Variants in CSMD1 observed in about 807,000 individuals in gnomAD.
CSMD1 encodes the protein CUB and sushi domain-containing protein 1.
Under a neutral mutation model 417.5 loss-of-function variants are expected in CSMD1, and 213 were observed. The observed-to-expected ratio is 0.51, with a 90% CI of 0.46 to 0.57. The LOEUF (loss-of-function observed/expected upper bound fraction) is 0.57, where lower values mean the gene tolerates loss of function less well. Ranked by LOEUF, CSMD1 falls within the 20% of genes least tolerant of loss-of-function variation. The pLI is 0.00. For missense variants in CSMD1, 6,923 were observed against 4,529.7 expected (o/e 1.53, Z -15.17); for synonymous variants, 2,862 against 1,736.8 (o/e 1.65, Z -16.11).
intron 2 of CSMD1, among the ~76,000 whole-genome samples, chr8:4,577,445 G>A (rs528419389): frequency 5.9e-4 from 90 of 152,276 alleles, no homozygotes; most frequent in Non-Finnish European, 9.4e-4. Flanking sequence ...GAACCCAACA[G>A]GCTCCCAGCT....
At chr8:4,104,636 G>C (rs1486247302) in intron 3 of CSMD1, among the ~76,000 whole-genome samples, 1 of 151,840 alleles carries the variant, frequency 6.6e-6, no homozygotes, top group Non-Finnish European at 1.5e-5. Context: ...AGGCTAGTTT[G>C]TCATACATGG....
intron 3 of CSMD1, among the ~76,000 whole-genome samples, chr8:4,202,170 T>C (rs1336067550): frequency 1.3e-5 from 2 of 152,166 alleles, no homozygotes; most frequent in Non-Finnish European, 2.9e-5. Context: ...GATGACCAGC[T>C]GTGTTAGTAT....
At chr8:4,067,631 T>G (rs1309062208) in intron 3 of CSMD1, among the ~76,000 whole-genome samples, 1 of 152,204 alleles carries the variant, frequency 6.6e-6, no homozygotes, top group Non-Finnish European at 1.5e-5. Flanking sequence ...TGACCCTACA[T>G]AAACTGATTT....
chr8:4,146,310 G>C (rs1363642908), intron 3 of CSMD1, among the ~76,000 whole-genome samples: 1 of 150,884 alleles, frequency 6.6e-6, no homozygotes, highest in Non-Finnish European at 1.5e-5. Flanking sequence ...GCCTCTGCTT[G>C]GTGTCTGACA....
chr8:4,503,969 C>CAAAAAAAAAAAA (rs200846437), intron 2 of CSMD1, among the ~76,000 whole-genome samples: 1 of 85,792 alleles, frequency 1.2e-5, no homozygotes, highest in Non-Finnish European at 2.4e-5. Context: ...CTTGCATATT[C>CAAAAAAAAAAAA]AAAAAAAAAA....
intron 3 of CSMD1, among the ~76,000 whole-genome samples, chr8:4,280,989 T>C (rs1177745328): frequency 6.6e-6 from 1 of 152,182 alleles, no homozygotes; most frequent in Non-Finnish European, 1.5e-5. Context: ...AATAAAGTAG[T>C]GGTTTTTAAA....
At chr8:3,825,943 T>C (rs960978028) in intron 5 of CSMD1, among the ~76,000 whole-genome samples, 1 of 152,222 alleles carries the variant, frequency 6.6e-6, no homozygotes, top group Admixed American at 6.5e-5. Context: ...AAATTCCAAC[T>C]TAAGATTAAA....
At chr8:4,955,881 G>C (rs1284076606) in intron 1 of CSMD1, among the ~76,000 whole-genome samples, 1 of 149,310 alleles carries the variant, frequency 6.7e-6, no homozygotes, top group African/African-American at 2.4e-5. Context: ...CTAGAAAGTA[G>C]TTGTTAAACT....
chr8:4,346,606 G>A (rs1357865635), intron 3 of CSMD1, among the ~76,000 whole-genome samples: 1 of 152,086 alleles, frequency 6.6e-6, no homozygotes, highest in African/African-American at 2.4e-5. Context: ...TCAATCTTCA[G>A]CAGGAATCAA....
intron 5 of CSMD1, among the ~76,000 whole-genome samples, chr8:3,871,149 C>T (rs528706779): frequency 1.3e-5 from 2 of 152,182 alleles, no homozygotes; most frequent in African/African-American, 4.8e-5. Context: ...TAATACCTCA[C>T]TCATCATACT....
At chr8:3,314,142 G>T (rs1194622385) in intron 23 of CSMD1, among the ~76,000 whole-genome samples, 3 of 151,852 alleles carry the variant, frequency 2.0e-5, no homozygotes, top group African/African-American at 7.2e-5. Context: ...AGTGGGGAGG[G>T]ATAGCATTAG....
intron 3 of CSMD1, among the ~76,000 whole-genome samples, chr8:4,232,840 T>C (rs1361497575): frequency 1.3e-5 from 2 of 152,130 alleles, no homozygotes; most frequent in African/African-American, 4.8e-5. Flanking sequence ...ACTTTATTTA[T>C]TTATTTATAT....
intron 1 of CSMD1, among the ~76,000 whole-genome samples, chr8:4,860,074 G>C (rs1585224808): frequency 6.6e-6 from 1 of 151,930 alleles, no homozygotes; most frequent in Non-Finnish European, 1.5e-5. Flanking sequence ...GGAATACTAT[G>C]CAGCCATAAA....
chr8:3,843,138 T>C (rs1352604108), intron 5 of CSMD1, among the ~76,000 whole-genome samples: 1 of 152,190 alleles, frequency 6.6e-6, no homozygotes, highest in Non-Finnish European at 1.5e-5. Flanking sequence ...CCATAGCACA[T>C]CTAATGGAAT....
At chr8:3,211,683 G>A (rs1797617126) in intron 30 of CSMD1, among the ~76,000 whole-genome samples, 1 of 152,178 alleles carries the variant, frequency 6.6e-6, no homozygotes, top group African/African-American at 2.4e-5. Context: ...GAGGTGAGGC[G>A]AGATCTGGTC....
intron 3 of CSMD1, among the ~76,000 whole-genome samples, chr8:4,293,239 G>A (rs754601624): frequency 3.3e-5 from 5 of 152,136 alleles, no homozygotes; most frequent in Non-Finnish European, 7.4e-5. Context: ...CAGACTCCAA[G>A]GGCACAGAGT....
chr8:3,202,035 G>A (rs1467369932), intron 31 of CSMD1, among the ~76,000 whole-genome samples: 2 of 152,136 alleles, frequency 1.3e-5, no homozygotes, highest in South Asian at 2.1e-4. Context: ...GGATGTGGTG[G>A]CTCACGCCTG....
At chr8:3,931,315 A>T (rs914705892) in intron 5 of CSMD1, among the ~76,000 whole-genome samples, 1 of 150,644 alleles carries the variant, frequency 6.6e-6, no homozygotes, top group African/African-American at 2.4e-5. Flanking sequence ...AAAATATTTA[A>T]GAACTAGAAG....
At chr8:3,968,212 T>TA (rs1296324746) in intron 5 of CSMD1, among the ~76,000 whole-genome samples, 14 of 150,282 alleles carry the variant, frequency 9.3e-5, no homozygotes, top group African/African-American at 3.5e-4. Flanking sequence ...TAATAATAAA[T>TA]AATAAAAAAC....
Sources: allele counts gnomAD v4.1 joint callset (sites outside exome capture counted in the v4.1 genomes callset), GRCh38; gene constraint gnomAD v4.1.1; transcripts MANE v1.5; gene names NCBI Gene and HGNC (gene_info 2026-07-23, HGNC 2026-07-21).